Variants in MN1 observed in about 807,000 individuals in gnomAD.
MN1 encodes MN1 proto-oncogene, transcriptional regulator.
A neutral mutation model predicts 86.9 loss-of-function variants in MN1; 19 were observed. That is an observed-to-expected ratio of 0.22 (90% confidence interval 0.15 to 0.32). The LOEUF is 0.32. Ranked by LOEUF, MN1 falls within the 10% of genes least tolerant of loss-of-function variation. The pLI is 1.00. For missense variants in MN1, 1,841 were observed against 1,862.0 expected (o/e 0.99, Z 0.21); for synonymous variants, 928 against 849.6 (o/e 1.09, Z -1.60).
At chr22:27,752,560 T>C (rs1488022208) in intron 1 of MN1, among the ~76,000 whole-genome samples, 1 of 152,194 alleles carries the variant, frequency 6.6e-6, no homozygotes, top group African/African-American at 2.4e-5. Flanking sequence ...CTGACAACCA[T>C]TCACATCTTA....
At chr22:27,768,629 T>C (rs1008499648) in intron 1 of MN1, among the ~76,000 whole-genome samples, 7 of 152,158 alleles carry the variant, frequency 4.6e-5, no homozygotes, top group African/African-American at 1.7e-4. Context: ...ATGTGCAGCT[T>C]TCACATTTTT....
chr22:27,775,139 C>T (rs1359118194), intron 1 of MN1, among the ~76,000 whole-genome samples: 1 of 152,224 alleles, frequency 6.6e-6, no homozygotes, highest in Non-Finnish European at 1.5e-5. Flanking sequence ...TTTCTCTGTA[C>T]CTCGCCCTCC....
chr22:27,785,746 G>GCCCCCCCCCCCCTTGCCCC (rs35117962), intron 1 of MN1, among the ~76,000 whole-genome samples: 1 of 135,176 alleles, frequency 7.4e-6, no homozygotes, highest in African/African-American at 2.8e-5. Context: ...TAACAGGTGT[G>GCCCCCCCCCCCCTTGCCCC]CCCCCCCCCC....
Position 27,797,219 on chromosome 22 carries a change from A to G in MN1, c.3325T>C (p.Ser1109Pro), listed in dbSNP as rs1372056090. The G allele has an allele frequency of 5.1e-6, 8 of 1,562,020 alleles. No homozygotes were observed. The highest frequency in any genetic ancestry group is 6.9e-6 in the Non-Finnish European group (8 of 1,159,602). ...PPPALGLGIM[S>P]NSTSTPDSYG... ...CTGTCAGGGGTCGAGGTAGAGTTAGACATGATGCCCAGGCCGAGGGCGGGC... is the reference window on the plus strand; with the variant it reads ...CTGTCAGGGGTCGAGGTAGAGTTAGGCATGATGCCCAGGCCGAGGGCGGGC... The change falls in exon 1 of 2, where the codon TCT becomes CCT. Residue 1109 changes from serine to proline, a missense_variant. Physicochemically the swap from Ser to Pro is moderately conservative, Grantham distance 74. Coordinates refer to ENST00000302326, the MANE Select transcript of MN1 (RefSeq NM_002430.3).
chr22:27,791,660 T>C (rs1933212707), intron 1 of MN1: 1 of 151,842 alleles, frequency 6.6e-6, no homozygotes, highest in African/African-American at 2.4e-5. Context: ...TCCCACACAC[T>C]CCCCAGACAT....
Position 27,800,689 on chromosome 22 carries a change from C to A in MN1, c.-146G>T. On this transcript the variant is annotated 5_prime_UTR_variant, in exon 1 of 2. The change creates a new upstream start codon in the 5' untranslated region. Coordinates refer to ENST00000302326, the MANE Select transcript of MN1 (RefSeq NM_002430.3). ...GGCTCAGCGCGCACCTCCACCCCGC[C>A]TGATGTGAGGGACGGGGGGCGGGGT... 1 of 1,024,270 alleles carries A rather than the reference C, an allele frequency of 9.8e-7. No individual in the cohort carries two copies. 63.4% of individuals were successfully genotyped at this position (1,024,270 alleles called of 1,614,324 possible).
intron 1 of MN1, among the ~76,000 whole-genome samples, chr22:27,774,159 T>C (rs1027258546): frequency 2.6e-5 from 4 of 152,204 alleles, no homozygotes; most frequent in African/African-American, 9.7e-5. Flanking sequence ...CCCTGAGGTC[T>C]AAAGAGCTCT....
At chr22:27,754,988 G>A (rs1238686640) in intron 1 of MN1, among the ~76,000 whole-genome samples, 1 of 152,168 alleles carries the variant, frequency 6.6e-6, no homozygotes, top group Non-Finnish European at 1.5e-5. Flanking sequence ...CACACACCAG[G>A]CCCTCAGTTG....
rs1345534879 is a variant in MN1 at position 27,798,097 on chromosome 22, T to C, written c.2447A>G (p.Lys816Arg). The change falls in exon 1 of 2, where the codon AAG becomes AGG. Residue 816 changes from lysine (K) to arginine (R), a missense_variant. Transcript: ENST00000302326. ...GCAGCTCTGGCCGAACAGGTTGTCC[T>C]TGGAGCTGGGCTTGTTGAAGGAGCC... is the stretch of plus-strand genomic sequence containing the variant. ...SLGSFNKPSS[K>R]DNLFGQSCLA... The C allele has an allele frequency of 6.2e-7, 1 of 1,611,330 alleles. No individual in the cohort carries two copies. The highest frequency in any genetic ancestry group is 2.2e-5 in the East Asian group (1 of 44,830).
intron 1 of MN1, among the ~76,000 whole-genome samples, chr22:27,796,392 CCTCAATGTT>C (rs1321122826): frequency 2.0e-5 from 3 of 151,484 alleles, no homozygotes; most frequent in Non-Finnish European, 1.5e-5. Context: ...GTGGAGCCAG[CCTCAATGTT>C]GAGGGTGGGG....
chr22:27,750,757 C>G lies in MN1; in HGVS notation c.*158G>C, dbSNP rs533084659. The G allele has an allele frequency of 1.8e-6, 1 of 564,586 alleles. No homozygotes were observed. The highest frequency in any genetic ancestry group is 2.0e-5 in the African/African-American group (1 of 50,948). 35.0% of individuals were successfully genotyped at this position (564,586 alleles called of 1,614,324 possible). ...AAATTAACCCTTTCCGGTCCATATGCCACTAAGCAGGTACCAACCTAGAGA... is the reference window on the plus strand; with the variant it reads ...AAATTAACCCTTTCCGGTCCATATGGCACTAAGCAGGTACCAACCTAGAGA... On this transcript the variant is annotated 3_prime_UTR_variant, in exon 2 of 2. Transcript: ENST00000302326.
intron 1 of MN1, among the ~76,000 whole-genome samples, chr22:27,773,383 A>G (rs1034415918): frequency 1.1e-4 from 16 of 152,202 alleles, no homozygotes; most frequent in Non-Finnish European, 2.1e-4. Context: ...GGAGAGAGGG[A>G]GGCCGCAGGC....
intron 1 of MN1, among the ~76,000 whole-genome samples, chr22:27,784,194 C>T (rs748873106): frequency 1.3e-5 from 2 of 152,196 alleles, no homozygotes; most frequent in Non-Finnish European, 2.9e-5. Flanking sequence ...GCAGGGGATG[C>T]ACCTAGGGGA....
chr22:27,795,933 T>A (rs1161033608), intron 1 of MN1, among the ~76,000 whole-genome samples: 1 of 152,096 alleles, frequency 6.6e-6, no homozygotes. Flanking sequence ...AAACGAAAGC[T>A]GGGACAGGAC....
Position 27,750,805 on chromosome 22 carries a change from A to C in MN1, c.*110T>G. On this transcript the variant is annotated 3_prime_UTR_variant, in exon 2 of 2. Transcript: ENST00000302326. ...AGAAAAAAAAAAAACTCATCCACTC[A>C]GCAATAGTGGCCCTTTCAAATTAAC... 1.1e-6 allele frequency: 1 copy of C among 952,148 alleles called. No individual in the cohort carries two copies. Among genetic ancestry groups the C allele is most frequent in the Non-Finnish European group, 1.5e-6 (1 of 663,004 alleles). The allele number at this position is 952,148 out of a possible 1,614,324, so 59.0% of individuals were successfully genotyped here.
intron 1 of MN1, among the ~76,000 whole-genome samples, chr22:27,784,687 G>A (rs1375888409): frequency 6.6e-6 from 1 of 152,152 alleles, no homozygotes; most frequent in African/African-American, 2.4e-5. Flanking sequence ...TTCTGCATAA[G>A]CCATTTACAA....
rs1303435880 is a variant in MN1, at chr22:27,797,238, G to A, written c.3306C>T (p.Ala1102=). 6.4e-7 allele frequency: 1 copy of A among 1,569,738 alleles called. No individual in the cohort carries two copies. Among genetic ancestry groups the A allele is most frequent in the East Asian group, 2.3e-5 (1 of 43,250 alleles). ...GEHGPKAPPP[A]LGLGIMSNST... ...AGTTAGACATGATGCCCAGGCCGAG[G>A]GCGGGCGGGGGCGCCTTCGGTCCGT... is the stretch of plus-strand genomic sequence containing the variant. The change falls in exon 1 of 2, where the codon GCC becomes GCT. Residue 1102 remains alanine (A), a synonymous_variant. Coordinates refer to ENST00000302326, the MANE Select transcript of MN1 (RefSeq NM_002430.3).
Position 27,750,756 on chromosome 22 carries a change from G to T in MN1, c.*159C>A. The T allele has an allele frequency of 1.9e-6, 1 of 538,742 alleles. No homozygotes were observed. Among genetic ancestry groups the T allele is most frequent in the Non-Finnish European group, 3.1e-6 (1 of 327,192 alleles). 33.4% of individuals were successfully genotyped at this position (538,742 alleles called of 1,614,324 possible). A position where few individuals can be genotyped will look rare whatever the true frequency, so the allele number is the denominator to read the frequency against. On this transcript the variant is annotated 3_prime_UTR_variant, in exon 2 of 2. Transcript: ENST00000302326. ...TAAATTAACCCTTTCCGGTCCATAT[G>T]CCACTAAGCAGGTACCAACCTAGAG...
intron 1 of MN1, among the ~76,000 whole-genome samples, chr22:27,756,042 G>A (rs1337246927): frequency 6.6e-6 from 1 of 152,220 alleles, no homozygotes; most frequent in Non-Finnish European, 1.5e-5. Flanking sequence ...AGCACGTGGG[G>A]CGCTCCTGCC....
Sources: gnomAD v4.1 joint callset for allele counts (sites outside exome capture counted in the v4.1 genomes callset) on GRCh38, gnomAD v4.1.1 for gene constraint, MANE v1.5 for transcripts, NCBI Gene and HGNC (gene_info 2026-07-23, HGNC 2026-07-21) for gene names.